TOR1A: variants seen among roughly 807,000 people sequenced by gnomAD.
The protein encoded by TOR1A is torsin-1A.
TOR1A carries 18 observed loss-of-function variants against 31.4 expected under a neutral mutation model. The ratio of observed to expected loss-of-function variants is 0.57; its 90% CI spans 0.40 to 0.85. TOR1A has a LOEUF of 0.85. Ranked by LOEUF, TOR1A falls within the 40% of genes least tolerant of loss-of-function variation. The probability of loss-of-function intolerance (pLI) is 0.00; values close to 1 mark genes in which losing one functional copy is unlikely to be tolerated. For missense variants in TOR1A, 375 were observed against 416.4 expected (o/e 0.90, Z 0.87); for synonymous variants, 168 against 165.9 (o/e 1.01, Z -0.10).
At position 129,824,017 on chromosome 9, in the gene TOR1A, G is replaced by A; in HGVS notation, c.69C>T (p.Pro23=). ...CGGCCAGGGCCAGTCCCAGGCTGAT[G>A]GGCTCCACCGCCTGCACCACGGACG... The part of the protein sequence containing the change: ...LAPSVVQAVE[P]ISLGLALAGV... Residue 23 remains proline, a synonymous_variant, in exon 1 of 5, where the codon CCC becomes CCT. Transcript: ENST00000351698. 6.2e-7 allele frequency: 1 copy of A among 1,609,650 alleles called. No individual in the cohort carries two copies. The highest frequency in any genetic ancestry group is 1.1e-5 in the South Asian group (1 of 90,662).
Position 129,822,862 on chromosome 9 carries a change from C to G in TOR1A, c.179-16G>C, listed in dbSNP as rs1414885436. 1.2e-6 allele frequency: 2 copies of G among 1,614,152 alleles called. No homozygotes were observed. The highest frequency in any genetic ancestry group is 1.7e-6 in the Non-Finnish European group (2 of 1,180,014). ...TTCTGCAGTGCTGGGAAAGACAAAG[C>G]CAATCAGGAGTGGGGAAGAAACAGC... is the stretch of plus-strand genomic sequence containing the variant. On this transcript the variant is annotated splice_polypyrimidine_tract_variant and intron_variant, in intron 1 of 4. Transcript: ENST00000351698.
chr9:129,815,849 G>A (rs953470876), intron 4 of TOR1A, among the ~76,000 whole-genome samples: 1 of 152,044 alleles, frequency 6.6e-6, no homozygotes, highest in Non-Finnish European at 1.5e-5. Flanking sequence ...AGTCTTACAG[G>A]TTCTACCTTC....
chr9:129,824,049 G>A lies in TOR1A; in HGVS notation c.37C>T (p.Leu13=). Residue 13 remains leucine, a synonymous_variant, in exon 1 of 5, where the codon CTG becomes TTG. Coordinates refer to ENST00000351698, the MANE Select transcript of TOR1A (RefSeq NM_000113.3). ...LGRAVLGLLL[L]APSVVQAVEP... Reference sequence around the variant, plus strand: ...ACCGCCTGCACCACGGACGGCGCCAGCAGCAGCAGGCCCAGCACGGCCCGG... The same window carrying A: ...ACCGCCTGCACCACGGACGGCGCCAACAGCAGCAGGCCCAGCACGGCCCGG... 6.2e-7 allele frequency: 1 copy of A among 1,601,774 alleles called. No homozygotes were observed. The highest frequency in any genetic ancestry group is 8.5e-7 in the Non-Finnish European group (1 of 1,176,102).
chr9:129,822,919 G>A, intron 1 of TOR1A, 73 bp from the exon 2 acceptor site: 1 of 1,609,648 alleles, frequency 6.2e-7, no homozygotes, highest in Non-Finnish European at 8.5e-7. Context: ...CAGCCCATAA[G>A]AAAGCCAGCA....
chr9:129,816,273 C>T (rs1330890880), intron 4 of TOR1A, among the ~76,000 whole-genome samples: 1 of 152,192 alleles, frequency 6.6e-6, no homozygotes, highest in Non-Finnish European at 1.5e-5. Flanking sequence ...GCCACCCTCA[C>T]AGGGAGCCTT....
chr9:129,822,688 T>G lies in TOR1A; in HGVS notation c.337A>C (p.Lys113Gln), dbSNP rs1305122212. The change falls in exon 2 of 5, where the codon AAG becomes CAG. Residue 113 changes from lysine (K) to glutamine (Q), a missense_variant. Coordinates refer to ENST00000351698, the MANE Select transcript of TOR1A (RefSeq NM_000113.3). ...TCGTAAATATTCTCTGCGATGATCT[T>G]GCTGACGAAATTTTTGCCGGTGCCT... The part of the protein sequence containing the change: ...WTGTGKNFVS[K>Q]IIAENIYEGG... 1.2e-6 allele frequency: 2 copies of G among 1,614,224 alleles called. No individual in the cohort carries two copies.
chr9:129,822,943 G>A, intron 1 of TOR1A, 97 bp from the exon 2 acceptor site: 2 of 1,560,844 alleles, frequency 1.3e-6, no homozygotes, highest in South Asian at 2.3e-5. Context: ...CCGTCTAGAC[G>A]CCCTCCAAGC....
At position 129,814,151 on chromosome 9, in the gene TOR1A, A is replaced by T. The variant is rs750125951; in HGVS notation, c.820T>A (p.Tyr274Asn). 4 of 1,614,134 alleles carry T rather than the reference A, an allele frequency of 2.5e-6. No homozygotes were observed. Among genetic ancestry groups the T allele is most frequent in the Admixed American group, 1.7e-5 (1 of 60,016 alleles). The change falls in exon 5 of 5, where the codon TAC becomes AAC. Residue 274 changes from tyrosine to asparagine, a missense_variant. Tyr to Asn is a moderately radical substitution (Grantham distance 143). Transcript: ENST00000351698. ...DYFVPFLPLEYKHLKMCIRVE... is the reference protein window; with the variant it reads ...DYFVPFLPLENKHLKMCIRVE... ...CGGATACACATTTTTAGGTGTTTGTATTCCAGGGGGAGGAAGGGAACAAAA... is the reference window on the plus strand; with the variant it reads ...CGGATACACATTTTTAGGTGTTTGTTTTCCAGGGGGAGGAAGGGAACAAAA...
At position 129,813,972 on chromosome 9, in the gene TOR1A, T is replaced by C. The variant is rs1199909964; in HGVS notation, c.999A>G (p.Ter333TrpextTer3). 6.2e-7 allele frequency: 1 copy of C among 1,614,012 alleles called. No homozygotes were observed. The highest frequency in any genetic ancestry group is 1.1e-5 in the South Asian group (1 of 91,084). Residue 333 changes from the stop codon to tryptophan, a stop_lost, in exon 5 of 5, where the codon TGA becomes TGG. Coordinates refer to ENST00000351698, the MANE Select transcript of TOR1A (RefSeq NM_000113.3). ...TGACTCCGGCTGCCAATCATGACTG[T>C]CAATCATCGTAGTAATAATCTAACT... ...FTKLDYYYDD[*>W]
At chr9:129,817,942 AG>A (rs2031082585) in intron 4 of TOR1A, among the ~76,000 whole-genome samples, 1 of 151,536 alleles carries the variant, frequency 6.6e-6, no homozygotes, top group African/African-American at 2.4e-5. Flanking sequence ...ACTTGAGCCT[AG>A]GAAGTCAAGA....
chr9:129,815,855 C>T (rs1269603933), intron 4 of TOR1A, among the ~76,000 whole-genome samples: 1 of 152,158 alleles, frequency 6.6e-6, no homozygotes, highest in Non-Finnish European at 1.5e-5. Flanking sequence ...ACAGGTTCTA[C>T]CTTCAAAACA....
intron 4 of TOR1A, among the ~76,000 whole-genome samples, chr9:129,815,719 T>G (rs1032658556): frequency 2.0e-5 from 3 of 152,222 alleles, no homozygotes; most frequent in Non-Finnish European, 4.4e-5. Flanking sequence ...CTGATGCCAT[T>G]GCCCACTGAG....
chr9:129,820,576 T>A (rs2031160031), intron 2 of TOR1A, among the ~76,000 whole-genome samples: 1 of 152,166 alleles, frequency 6.6e-6, no homozygotes, highest in African/African-American at 2.4e-5. Context: ...TCTAAGATGA[T>A]CAACTTATCC....
intron 4 of TOR1A, among the ~76,000 whole-genome samples, chr9:129,814,663 T>A (rs2030989214): frequency 6.6e-6 from 1 of 151,042 alleles, no homozygotes; most frequent in Non-Finnish European, 1.5e-5. Context: ...TCCCAAGGTA[T>A]GACTTAAGAG....
intron 4 of TOR1A, among the ~76,000 whole-genome samples, chr9:129,817,771 C>T (rs868139680): frequency 2.4e-5 from 3 of 124,328 alleles, no homozygotes; most frequent in African/African-American, 3.1e-5. Context: ...GAGGCTGAGG[C>T]GGGAGGATGA....
At position 129,823,331 on chromosome 9, in the gene TOR1A, G is replaced by T. The variant is rs548915122; in HGVS notation, c.179-485C>A. 9.0e-5 allele frequency: 26 copies of T among 288,798 alleles called. 1 individual carries two copies. The highest frequency in any genetic ancestry group is 8.7e-4 in the South Asian group (26 of 30,014). 17.9% of individuals were successfully genotyped at this position (288,798 alleles called of 1,614,324 possible). On this transcript the variant is annotated intron_variant, in intron 1 of 4. Coordinates refer to ENST00000351698, the MANE Select transcript of TOR1A (RefSeq NM_000113.3). Reference sequence around the variant, plus strand: ...CTGCAGCCTGGCTCCTCAGGTCTCCGACTTAAGTCTGGCACGTCTGTGGTC... The same window carrying T: ...CTGCAGCCTGGCTCCTCAGGTCTCCTACTTAAGTCTGGCACGTCTGTGGTC...
chr9:129,818,891 G>T lies in TOR1A; in HGVS notation c.474C>A (p.Asn158Lys), dbSNP rs774198905. 6.2e-6 allele frequency: 10 copies of T among 1,613,518 alleles called. No homozygotes were observed. The highest frequency in any genetic ancestry group is 1.3e-5 in the African/African-American group (1 of 74,904). Reference sequence around the variant, plus strand: ...AGATGGACCTCGCACAGGCACTCACGTTGCCTCGAATCCACAACTGTAACT... The same window carrying T: ...AGATGGACCTCGCACAGGCACTCACTTTGCCTCGAATCCACAACTGTAACT... Reference protein sequence around the residue: ...KDQLQLWIRGNVSACARSIFI... With the variant: ...KDQLQLWIRGKVSACARSIFI... The change falls in exon 3 of 5, where the codon AAC becomes AAA. Residue 158 changes from asparagine (N) to lysine (K), a missense_variant. By Grantham distance (94) the Asn-to-Lys change is moderately conservative. Coordinates refer to ENST00000351698, the MANE Select transcript of TOR1A (RefSeq NM_000113.3).
chr9:129,822,433 A>T, intron 2 of TOR1A, 148 bp downstream of exon 2: 1 of 1,167,626 alleles, frequency 8.6e-7, no homozygotes, highest in Non-Finnish European at 1.2e-6. Context: ...TCAAACTCTT[A>T]ACTTCTACAC....
At chr9:129,816,414 A>G (rs901506849) in intron 4 of TOR1A, among the ~76,000 whole-genome samples, 1 of 152,184 alleles carries the variant, frequency 6.6e-6, no homozygotes, top group African/African-American at 2.4e-5. Context: ...CGATGTGTGC[A>G]TATGTACTGC....
Sources: allele counts gnomAD v4.1 joint callset (sites outside exome capture counted in the v4.1 genomes callset), GRCh38; gene constraint gnomAD v4.1.1; transcripts MANE v1.5; gene names NCBI Gene and HGNC (gene_info 2026-07-23, HGNC 2026-07-21).